MEIKIN: variants seen among roughly 807,000 people sequenced by gnomAD.
MEIKIN encodes meiosis-specific kinetochore protein.
intron 4 of MEIKIN, among the ~76,000 whole-genome samples, chr5:131,939,907 TC>T (rs1751840555): frequency 6.6e-6 from 1 of 152,222 alleles, no homozygotes; most frequent in African/African-American, 2.4e-5. Context: ...AATGGTATTT[TC>T]TCTAAATAGA....
intron 7 of MEIKIN, among the ~76,000 whole-genome samples, chr5:131,912,235 G>A (rs946546858): frequency 2.0e-5 from 3 of 151,776 alleles, no homozygotes; most frequent in African/African-American, 7.3e-5. Context: ...AAAAGGGATA[G>A]CAATCATGTT....
chr5:131,857,539 C>T (rs552214904), intron 9 of MEIKIN, among the ~76,000 whole-genome samples: 1 of 152,204 alleles, frequency 6.6e-6, no homozygotes, highest in South Asian at 2.1e-4. Flanking sequence ...CCCAGCATGG[C>T]ATGCCCGCTT....
intron 11 of MEIKIN, among the ~76,000 whole-genome samples, chr5:131,835,825 C>T (rs1173024999): frequency 1.3e-5 from 2 of 152,202 alleles, no homozygotes; most frequent in African/African-American, 4.8e-5. Flanking sequence ...AATCTCCTGA[C>T]CTTGTGATCT....
At chr5:131,939,344 T>C (rs1751831932) in intron 4 of MEIKIN, among the ~76,000 whole-genome samples, 2 of 152,068 alleles carry the variant, frequency 1.3e-5, no homozygotes, top group South Asian at 2.1e-4. Flanking sequence ...TCTTGGTTTG[T>C]CTCTACTCTA....
intron 9 of MEIKIN, among the ~76,000 whole-genome samples, chr5:131,860,509 G>C (rs1376299579): frequency 2.7e-5 from 4 of 150,792 alleles, no homozygotes; most frequent in African/African-American, 9.8e-5. Flanking sequence ...GCAGTGGTGT[G>C]ATCTCGGCTG....
chr5:131,861,503 C>A (rs1750285270), intron 9 of MEIKIN, among the ~76,000 whole-genome samples: 3 of 152,122 alleles, frequency 2.0e-5, no homozygotes, highest in Non-Finnish European at 4.4e-5. Flanking sequence ...GTTTAATGGG[C>A]ATGGGGAAGG....
intron 5 of MEIKIN, among the ~76,000 whole-genome samples, chr5:131,926,624 A>C (rs2149649868): frequency 6.6e-6 from 1 of 152,296 alleles, no homozygotes; most frequent in African/African-American, 2.4e-5. Context: ...TACTCTTTAA[A>C]TGTTTGGTAG....
intron 8 of MEIKIN, among the ~76,000 whole-genome samples, chr5:131,891,921 C>T (rs997282090): frequency 2.0e-5 from 3 of 152,070 alleles, no homozygotes; most frequent in Admixed American, 2.0e-4. Flanking sequence ...GTGGTGACAA[C>T]ATCTCTCAGC....
intron 11 of MEIKIN, among the ~76,000 whole-genome samples, chr5:131,823,671 T>C (rs1038633276): frequency 6.6e-6 from 1 of 152,194 alleles, no homozygotes; most frequent in Non-Finnish European, 1.5e-5. Flanking sequence ...TATATCTCTG[T>C]TCTCCAGGAT....
intron 3 of MEIKIN, among the ~76,000 whole-genome samples, chr5:131,944,106 G>A (rs1217414374): frequency 7.1e-6 from 1 of 141,080 alleles, no homozygotes; most frequent in Non-Finnish European, 1.5e-5. Flanking sequence ...GCAAGACTCT[G>A]TCTCCAAAAA....
At chr5:131,845,067 G>A (rs556638103) in intron 11 of MEIKIN, among the ~76,000 whole-genome samples, 5 of 151,922 alleles carry the variant, frequency 3.3e-5, no homozygotes, top group Non-Finnish European at 7.4e-5. Context: ...TCAGGAGATC[G>A]AGACCATCCT....
chr5:131,907,417 C>T lies in MEIKIN; in HGVS notation c.703+4398G>A, dbSNP rs184790646. Among the ~76,000 whole-genome samples, 18 of 151,592 alleles carry T rather than the reference C, an allele frequency of 1.2e-4. No homozygotes were observed. The East Asian group carries it at 3.5e-3, about 29-fold the overall frequency. On this transcript the variant is annotated intron_variant, in intron 8 of 12. Coordinates refer to ENST00000442687, the MANE Select transcript of MEIKIN (RefSeq NM_001303622.2). Reference sequence around the variant, plus strand: ...AAAAAAAAAACTGACAAACCTGTAGCCAGACTAAGAAACAAGAGAGAAAAC... The same window carrying T: ...AAAAAAAAAACTGACAAACCTGTAGTCAGACTAAGAAACAAGAGAGAAAAC...
chr5:131,878,807 C>T (rs1750656498), intron 9 of MEIKIN, 171 bp downstream of exon 9: 1 of 367,376 alleles, frequency 2.7e-6, no homozygotes, highest in Middle Eastern at 7.1e-4. Flanking sequence ...CCCAGAAGTT[C>T]AAGGCTGTAG....
chr5:131,855,902 T>C (rs1750184131), intron 9 of MEIKIN, among the ~76,000 whole-genome samples: 1 of 152,200 alleles, frequency 6.6e-6, no homozygotes, highest in South Asian at 2.1e-4. Context: ...GGCAGCTTTA[T>C]TTCTAGAAAT....
intron 5 of MEIKIN, among the ~76,000 whole-genome samples, chr5:131,922,449 TTAAG>T (rs1427458331): frequency 1.3e-5 from 2 of 152,074 alleles, no homozygotes; most frequent in Non-Finnish European, 2.9e-5. Flanking sequence ...TTACATTGCA[TTAAG>T]TATTATAAGT....
intron 8 of MEIKIN, among the ~76,000 whole-genome samples, chr5:131,885,758 A>G (rs1235916263): frequency 6.6e-6 from 1 of 152,200 alleles, no homozygotes; most frequent in Non-Finnish European, 1.5e-5. Flanking sequence ...CCAGGAAAAC[A>G]TAACAGCTCA....
chr5:131,846,829 A>G (rs1180654296), intron 11 of MEIKIN, among the ~76,000 whole-genome samples: 1 of 152,150 alleles, frequency 6.6e-6, no homozygotes, highest in Non-Finnish European at 1.5e-5. Context: ...CAAAAAAATT[A>G]TTAATTTATG....
chr5:131,825,136 G>C (rs916602735), intron 11 of MEIKIN, among the ~76,000 whole-genome samples: 9 of 152,106 alleles, frequency 5.9e-5, no homozygotes, highest in Non-Finnish European at 1.3e-4. Context: ...GGAGGTCAAG[G>C]ATACGGTGAT....
chr5:131,833,924 T>C (rs115555809), intron 11 of MEIKIN, among the ~76,000 whole-genome samples: 6 of 152,334 alleles, frequency 3.9e-5, no homozygotes, highest in Non-Finnish European at 7.3e-5. Context: ...TCTACACAGA[T>C]ATTCTCAGAT....
Sources: allele counts gnomAD v4.1 joint callset (sites outside exome capture counted in the v4.1 genomes callset), GRCh38; gene constraint gnomAD v4.1.1; transcripts MANE v1.5; gene names NCBI Gene and HGNC (gene_info 2026-07-23, HGNC 2026-07-21).